The following CPEB1 variants were observed in gnomAD, a reference collection of about 807,000 sequenced individuals.
CPEB1 encodes the protein cytoplasmic polyadenylation element-binding protein 1.
CPEB1 carries 7 observed loss-of-function variants against 65.8 expected under a neutral mutation model. The observed-to-expected ratio is 0.11, with a 90% CI of 0.06 to 0.20. The LOEUF is 0.20. CPEB1 is among the 10% of genes least tolerant of loss of function. CPEB1 has a pLI of 1.00. For synonymous variants in CPEB1, 262 were observed against 260.0 expected (o/e 1.01, Z -0.08); for missense variants, 551 against 712.2 (o/e 0.77, Z 2.58).
At position 82,543,616 on chromosome 15, in the gene CPEB1, G is replaced by A. The variant is rs2034675576; in HGVS notation, c.*976C>T. 2 of 152,222 alleles carry A rather than the reference G, an allele frequency of 1.3e-5. No individual in the cohort carries two copies. Among genetic ancestry groups the A allele is most frequent in the African/African-American group, 4.8e-5 (2 of 41,290 alleles). 9.4% of individuals were successfully genotyped at this position (152,222 alleles called of 1,614,324 possible). ...CCCCTCTAAGAGAAAGGGCTCCTGT[G>A]AGCCTTCATCTGCCCCCACCGAAAA... On this transcript the variant is annotated 3_prime_UTR_variant, in exon 13 of 13. Transcript: ENST00000684509.
chr15:82,612,349 T>C (rs1252483308), intron 3 of CPEB1, among the ~76,000 whole-genome samples: 1 of 151,370 alleles, frequency 6.6e-6, no homozygotes, highest in Non-Finnish European at 1.5e-5. Context: ...ATACAAAAAT[T>C]AGCCAGCCAT....
In CPEB1 at chr15:82,547,807, G is replaced by A. The variant is rs2150925397; in HGVS notation, c.1481-570C>T. On this transcript the variant is annotated intron_variant, in intron 10 of 12. Transcript: ENST00000684509. ...CTGCCTCAGCCTCCCAAGTAGCTGG[G>A]ACTACAAGCATGAGCCACCATGCCT... Among the ~76,000 whole-genome samples, 3 of 152,214 alleles carry A rather than the reference G, an allele frequency of 2.0e-5. No individual in the cohort carries two copies. The South Asian group carries it at 6.2e-4, about 32-fold the overall frequency.
rs2044300761 is a variant in CPEB1, at chr15:82,612,817, T to G, written c.271+14376A>C. ...CCACTGCACTCCAGCCTGGGCAACA[T>G]AGTGAGACTCTGTCTCAAAAAAAAG... On this transcript the variant is annotated intron_variant, in intron 3 of 12. Transcript: ENST00000684509. 2.0e-5 allele frequency among the ~76,000 whole-genome samples: 3 copies of G among 151,254 alleles called. No individual in the cohort carries two copies. The South Asian group carries it at 6.3e-4, about 32-fold the overall frequency.
At chr15:82,553,255 A>G (rs752679999) in intron 8 of CPEB1, among the ~76,000 whole-genome samples, 1 of 152,196 alleles carries the variant, frequency 6.6e-6, no homozygotes, top group Non-Finnish European at 1.5e-5. Context: ...ACTGCTGTGT[A>G]AGTCTGGACA....
At chr15:82,604,126 A>C (rs2043349773) in intron 3 of CPEB1, among the ~76,000 whole-genome samples, 3 of 152,190 alleles carry the variant, frequency 2.0e-5, no homozygotes, top group African/African-American at 7.2e-5. Context: ...AGAACGAAGG[A>C]TCACTTGAGG....
intron 3 of CPEB1, among the ~76,000 whole-genome samples, chr15:82,588,775 G>T (rs2151134817): frequency 6.6e-6 from 1 of 152,256 alleles, no homozygotes; most frequent in African/African-American, 2.4e-5. Flanking sequence ...CCAACGATAT[G>T]AGAACTATTT....
At chr15:82,639,694 C>T (rs772506079) in intron 1 of CPEB1, among the ~76,000 whole-genome samples, 1 of 152,116 alleles carries the variant, frequency 6.6e-6, no homozygotes, top group South Asian at 2.1e-4. Context: ...ATTTTGAGTT[C>T]CCACCATTCC....
intron 3 of CPEB1, among the ~76,000 whole-genome samples, chr15:82,615,347 A>G (rs1339535934): frequency 1.3e-5 from 2 of 152,230 alleles, no homozygotes; most frequent in Non-Finnish European, 2.9e-5. Context: ...GAGGCAGGAC[A>G]GTGTTATAAA....
chr15:82,641,748 G>C (rs903240904), intron 1 of CPEB1: 6 of 119,074 alleles, frequency 5.0e-5, no homozygotes, highest in African/African-American at 1.9e-4. Context: ...CACCATTCAA[G>C]AATACAAAAA....
At chr15:82,643,272 G>A (rs587651997) in intron 1 of CPEB1, among the ~76,000 whole-genome samples, 1 of 152,130 alleles carries the variant, frequency 6.6e-6, no homozygotes, top group Non-Finnish European at 1.5e-5. Context: ...TTGTGTCTGA[G>A]TTTACATTCT....
intron 3 of CPEB1, among the ~76,000 whole-genome samples, chr15:82,610,775 T>A (rs970003284): frequency 6.6e-6 from 1 of 151,170 alleles, no homozygotes; most frequent in Non-Finnish European, 1.5e-5. Flanking sequence ...CTGACCAACA[T>A]CATGAAATCC....
intron 1 of CPEB1, among the ~76,000 whole-genome samples, chr15:82,643,683 A>G (rs1482127830): frequency 6.6e-6 from 1 of 151,914 alleles, no homozygotes; most frequent in Non-Finnish European, 1.5e-5. Flanking sequence ...ATACCCCTTT[A>G]CATCCGTAAG....
Position 82,610,985 on chromosome 15 carries a change from A to G in CPEB1, c.271+16208T>C, listed in dbSNP as rs12916423. 5.0e-4 allele frequency among the ~76,000 whole-genome samples: 73 copies of G among 147,036 alleles called. 1 individual carries two copies. The highest frequency in any genetic ancestry group is 1.8e-3 in the African/African-American group (72 of 39,452). ...AAAAAAAAAAAAAAAAAAAAAAAAA[A>G]AAAGAAAAAAAGAAAAAAAAATCCT... On this transcript the variant is annotated intron_variant, in intron 3 of 12. Coordinates refer to ENST00000684509, the MANE Select transcript of CPEB1 (RefSeq NM_001365242.1).
Position 82,552,891 on chromosome 15 carries a change from T to C in CPEB1, c.1145-275A>G, listed in dbSNP as rs77547652. On this transcript the variant is annotated intron_variant, in intron 8 of 12. Coordinates refer to ENST00000684509, the MANE Select transcript of CPEB1 (RefSeq NM_001365242.1). ...GCTCTCTATGCAAGAACACAGAGCA[T>C]GTTCAGGTCAGCAGAGCCAGGCTTT... Among the ~76,000 whole-genome samples the C allele has an allele frequency of 9.9e-4, 151 of 152,316 alleles. 2 individuals carry two copies. In the East Asian group the frequency reaches 0.025, roughly 26 times the overall value.
At chr15:82,575,081 G>A (rs574683687) in intron 3 of CPEB1, among the ~76,000 whole-genome samples, 2 of 152,244 alleles carry the variant, frequency 1.3e-5, no homozygotes, top group South Asian at 2.1e-4. Flanking sequence ...CAGAAAGGTC[G>A]TATGGATACT....
upstream of CPEB1, chr15:82,647,828 G>A: frequency 2.3e-6 from 3 of 1,282,144 alleles, no homozygotes; most frequent in South Asian, 2.5e-5. Flanking sequence ...ACGCGGCCCC[G>A]CCCAGGCGAG....
At chr15:82,585,580 A>AAG (rs2041729048) in intron 3 of CPEB1, among the ~76,000 whole-genome samples, 1 of 152,174 alleles carries the variant, frequency 6.6e-6, no homozygotes, top group African/African-American at 2.4e-5. Context: ...ACAAGCATTA[A>AAG]AGCCATGGCA....
At chr15:82,586,370 G>A (rs2041803311) in intron 3 of CPEB1, among the ~76,000 whole-genome samples, 1 of 151,898 alleles carries the variant, frequency 6.6e-6, no homozygotes, top group African/African-American at 2.4e-5. Flanking sequence ...TCTAGAAAGA[G>A]AAATACCCTA....
rs1160065110 is a variant in CPEB1 at position 82,636,427 on chromosome 15, T to C, written c.-97-7871A>G. Among the ~76,000 whole-genome samples the C allele has an allele frequency of 2.0e-5, 3 of 152,176 alleles. No homozygotes were observed. The East Asian group carries it at 5.8e-4, about 29-fold the overall frequency. On this transcript the variant is annotated intron_variant, in intron 1 of 12. Coordinates refer to ENST00000684509, the MANE Select transcript of CPEB1 (RefSeq NM_001365242.1). ...AAGTCAGGAATCACTTTCTCCTGGCTCTCCCTTTCCATCTCTGGTTATTCT... is the reference window on the plus strand; with the variant it reads ...AAGTCAGGAATCACTTTCTCCTGGCCCTCCCTTTCCATCTCTGGTTATTCT...
Sources: gnomAD v4.1 joint callset for allele counts (sites outside exome capture counted in the v4.1 genomes callset) on GRCh38, gnomAD v4.1.1 for gene constraint, MANE v1.5 for transcripts, NCBI Gene and HGNC (gene_info 2026-07-23, HGNC 2026-07-21) for gene names.